The following SEC31A variants were observed in gnomAD, a reference collection of about 807,000 sequenced individuals.
SEC31A encodes the protein protein transport protein Sec31A.
SEC31A carries 70 observed loss-of-function variants against 151.0 expected under a neutral mutation model. The observed-to-expected ratio is 0.46, with a 90% CI of 0.38 to 0.57. The LOEUF (loss-of-function observed/expected upper bound fraction) is 0.57, where lower values mean the gene tolerates loss of function less well. Ranked by LOEUF, SEC31A falls within the 20% of genes least tolerant of loss-of-function variation. The probability of loss-of-function intolerance (pLI) is 0.00; values close to 1 mark genes in which losing one functional copy is unlikely to be tolerated. For synonymous variants in SEC31A, 475 were observed against 505.9 expected (o/e 0.94, Z 0.82); for missense variants, 1,330 against 1,471.2 (o/e 0.90, Z 1.57).
In SEC31A at chr4:82,863,410, TATTCTTAAAACAA is replaced by T; in HGVS notation, c.1435-31_1435-19del. 6.7e-7 allele frequency: 1 copy of T among 1,499,636 alleles called. No homozygotes were observed. The highest frequency in any genetic ancestry group is 9.0e-7 in the Non-Finnish European group (1 of 1,114,142). 92.9% of individuals were successfully genotyped at this position (1,499,636 alleles called of 1,614,324 possible). On this transcript the variant is annotated intron_variant, in intron 11 of 26. Transcript: ENST00000395310. ...AAGTTTACCTTTAAAAAAAAAGACA[TATTCTTAAAACAA>T]AGACCTACATTTAAAGGCCGAATTT...
intron 22 of SEC31A, among the ~76,000 whole-genome samples, chr4:82,830,690 G>C (rs1017066843): frequency 6.6e-6 from 1 of 152,190 alleles, no homozygotes; most frequent in East Asian, 1.9e-4. Flanking sequence ...AGACAGTCTT[G>C]GCATAGTTGT....
At chr4:82,829,423 CA>C (rs553138487) in intron 22 of SEC31A, 87 of 146,834 alleles carry the variant, frequency 5.9e-4, no homozygotes, top group East Asian at 1.1e-3. Flanking sequence ...CAAAAACAAA[CA>C]AAAAAAAAAC....
rs1724858807 is a variant in SEC31A, at chr4:82,827,417, C to T, written c.3243G>A (p.Lys1081=). The change falls in exon 24 of 27, where the codon AAG becomes AAA. Residue 1081 remains lysine, a synonymous_variant. Transcript: ENST00000395310. ...CCCCTGGGGCACCTTCAATATTGGG[C>T]TTTGAAAAAGATGGTGGCATGCCTG... The part of the protein sequence containing the change: ...GQTGMPPSFS[K]PNIEGAPGAP... 6.2e-7 allele frequency: 1 copy of T among 1,614,096 alleles called. No individual in the cohort carries two copies. Among genetic ancestry groups the T allele is most frequent in the Admixed American group, 1.7e-5 (1 of 60,016 alleles).
At chr4:82,887,844 G>A (rs1741099802) in intron 1 of SEC31A, among the ~76,000 whole-genome samples, 2 of 149,022 alleles carry the variant, frequency 1.3e-5, no homozygotes, top group South Asian at 2.2e-4. Context: ...GGATCACGAG[G>A]TCAGGAGATC....
chr4:82,890,753 CTT>C (rs756468207), intron 1 of SEC31A: 1 of 1,171,186 alleles, frequency 8.5e-7, no homozygotes, highest in Non-Finnish European at 1.1e-6. Context: ...GACCGCACCT[CTT>C]TGTGCACAAG....
chr4:82,891,318 G>C (rs534425666), upstream of SEC31A: 7 of 833,908 alleles, frequency 8.4e-6, no homozygotes, highest in African/African-American at 1.2e-4. Context: ...CGGTAGCCTG[G>C]GAGGCGGGGT....
At chr4:82,896,285 T>C (rs1248861180) in intron 3 of SEC31A, among the ~76,000 whole-genome samples, 2 of 152,176 alleles carry the variant, frequency 1.3e-5, no homozygotes, top group African/African-American at 2.4e-5. Context: ...GTGGCCAATC[T>C]TGGCCCACTG....
At chr4:82,827,903 G>A (rs1460330348) in intron 23 of SEC31A, among the ~76,000 whole-genome samples, 1 of 151,320 alleles carries the variant, frequency 6.6e-6, no homozygotes, top group East Asian at 1.9e-4. Context: ...CAATAAAGCG[G>A]AGCTAAAACC....
chr4:82,899,342 G>A (rs983635697), intron 3 of SEC31A, among the ~76,000 whole-genome samples: 77 of 152,310 alleles, frequency 5.1e-4, no homozygotes, highest in African/African-American at 1.5e-3. Flanking sequence ...CCAATTAGTT[G>A]TGTGGTATGA....
intron 26 of SEC31A, among the ~76,000 whole-genome samples, chr4:82,820,267 C>T (rs897738213): frequency 1.3e-5 from 2 of 151,710 alleles, no homozygotes; most frequent in East Asian, 1.9e-4. Flanking sequence ...CTGTGCCCAC[C>T]GAGAAGACTT....
At chr4:82,842,105 G>C in intron 22 of SEC31A, 35 bp downstream of exon 22, 1 of 1,489,872 alleles carries the variant, frequency 6.7e-7, no homozygotes, top group Non-Finnish European at 9.0e-7. Context: ...ACAAATAAAG[G>C]AGGGGGCCAA....
rs1352813128 is a variant in SEC31A, at chr4:82,845,535, T to C, written c.2503-1026A>G. Among the ~76,000 whole-genome samples the C allele has an allele frequency of 2.0e-5, 3 of 150,652 alleles. No homozygotes were observed. The East Asian group carries it at 5.9e-4, about 29-fold the overall frequency. On this transcript the variant is annotated intron_variant, in intron 20 of 26. Transcript: ENST00000395310. ...CAGGGAGAGGAAGGCAGGAGAAAAA[T>C]CAATATGAAAACCTAAATCAAAGCA...
intron 1 of SEC31A, among the ~76,000 whole-genome samples, chr4:82,889,328 T>C (rs1184130732): frequency 1.3e-5 from 2 of 152,060 alleles, no homozygotes; most frequent in Non-Finnish European, 2.9e-5. Flanking sequence ...AAATCCTACA[T>C]GTCACTTGAA....
intron 7 of SEC31A, among the ~76,000 whole-genome samples, chr4:82,871,130 G>C (rs925617049): frequency 6.6e-5 from 10 of 152,182 alleles, no homozygotes; most frequent in Non-Finnish European, 1.5e-4. Context: ...TGGCTGCAGT[G>C]AGCTATGGTG....
intron 8 of SEC31A, 64 bp downstream of exon 8, chr4:82,870,261 C>A: frequency 7.8e-7 from 1 of 1,282,302 alleles, no homozygotes; most frequent in Non-Finnish European, 1.1e-6. Flanking sequence ...CAGAAAATTT[C>A]TTATGTAGCC....
At chr4:82,877,071 C>T (rs562188322) in intron 4 of SEC31A, among the ~76,000 whole-genome samples, 1 of 152,006 alleles carries the variant, frequency 6.6e-6, no homozygotes, top group South Asian at 2.1e-4. Context: ...AACCCTGTCT[C>T]TACAAAAATT....
chr4:82,820,899 A>C, intron 26 of SEC31A, 138 bp downstream of exon 26: 2 of 707,034 alleles, frequency 2.8e-6, no homozygotes, highest in South Asian at 3.4e-5. Context: ...TTTATGATTC[A>C]ACACAGCCAT....
Position 82,848,768 on chromosome 4 carries a change from A to G in SEC31A, c.2502+36T>C, listed in dbSNP as rs766065708. The G allele has an allele frequency of 3.2e-6, 5 of 1,555,576 alleles. No homozygotes were observed. In the East Asian group the frequency reaches 9.2e-5, roughly 29 times the overall value. On this transcript the variant is annotated intron_variant, in intron 20 of 26. Transcript: ENST00000395310. ...AACCACCAATTTGAAGAGAAATACA[A>G]AAGTGTTCCTACTTCATCTGGACCA...
chr4:82,862,634 G>T, intron 12 of SEC31A, 62 bp from the exon 13 acceptor site: 9 of 1,414,686 alleles, frequency 6.4e-6, no homozygotes, highest in Non-Finnish European at 9.0e-6. Context: ...TCCAGCAAAT[G>T]TTCACCTCTT....
Sources: gnomAD v4.1 joint callset for allele counts (sites outside exome capture counted in the v4.1 genomes callset) on GRCh38, gnomAD v4.1.1 for gene constraint, MANE v1.5 for transcripts, NCBI Gene and HGNC (gene_info 2026-07-23, HGNC 2026-07-21) for gene names.